Variants in TYW1B observed in about 807,000 individuals in gnomAD.
The protein encoded by TYW1B is S-adenosyl-L-methionine-dependent tRNA 4-demethylwyosine synthase TYW1B.
TYW1B carries 73 observed loss-of-function variants against 86.9 expected under a neutral mutation model. The observed-to-expected ratio is 0.84, with a 90% confidence interval of 0.70 to 1.02. The LOEUF (loss-of-function observed/expected upper bound fraction) is 1.02. TYW1B is among the 50% of genes least tolerant of loss of function. The pLI, the probability that TYW1B is intolerant of heterozygous loss-of-function variation, is 0.00. For synonymous variants in TYW1B, 248 were observed against 292.8 expected (o/e 0.85, Z 1.56); for missense variants, 637 against 827.4 (o/e 0.77, Z 2.82).
intron 7 of TYW1B, among the ~76,000 whole-genome samples, chr7:72,762,118 T>C (rs1220884950): frequency 1.3e-5 from 2 of 152,200 alleles, no homozygotes; most frequent in African/African-American, 2.4e-5. Flanking sequence ...TTTAATAAAA[T>C]TGCAAGAGGT....
intron 6 of TYW1B, among the ~76,000 whole-genome samples, chr7:72,794,126 G>A (rs1554474082): frequency 1.2e-4 from 18 of 152,182 alleles, no homozygotes. Context: ...ACTCAGGCGT[G>A]TTCCCCTGAC....
chr7:72,653,099 G>A (rs1813103453), intron 11 of TYW1B, among the ~76,000 whole-genome samples: 1 of 152,190 alleles, frequency 6.6e-6, no homozygotes, highest in South Asian at 2.1e-4. Flanking sequence ...TTCATTTTAG[G>A]AAAGTAGAAA....
intron 13 of TYW1B, among the ~76,000 whole-genome samples, chr7:72,612,172 T>G (rs1380673209): frequency 2.0e-5 from 3 of 152,096 alleles, no homozygotes; most frequent in Non-Finnish European, 4.4e-5. Context: ...AGTATCAATT[T>G]TGAATAAGGA....
Position 72,585,506 on chromosome 7 carries a change from G to A in TYW1B, c.1786-9787C>T, listed in dbSNP as rs182691402. On this transcript the variant is annotated intron_variant, in intron 13 of 13. Transcript: ENST00000620995. Reference sequence around the variant, plus strand: ...CTTTATTAAGAAACTGCTTGATACAGTTTGGCTGTGTCTCCACCCAAATCT... The same window carrying A: ...CTTTATTAAGAAACTGCTTGATACAATTTGGCTGTGTCTCCACCCAAATCT... Among the ~76,000 whole-genome samples, 569 of 152,288 alleles carry A rather than the reference G, an allele frequency of 3.7e-3. 4 individuals carry two copies. Among genetic ancestry groups the A allele is most frequent in the African/African-American group, 0.012 (504 of 41,570 alleles).
intron 7 of TYW1B, among the ~76,000 whole-genome samples, chr7:72,755,492 A>G (rs1033268876): frequency 6.6e-6 from 1 of 152,180 alleles, no homozygotes; most frequent in Non-Finnish European, 1.5e-5. Flanking sequence ...CCTGGGAGAC[A>G]TGGTGAAACC....
intron 11 of TYW1B, among the ~76,000 whole-genome samples, chr7:72,635,089 AT>A (rs1812635015): frequency 6.6e-6 from 1 of 151,960 alleles, no homozygotes; most frequent in South Asian, 2.1e-4. Context: ...AAGCTCTTAC[AT>A]TTTTTTCTAA....
intron 7 of TYW1B, among the ~76,000 whole-genome samples, chr7:72,758,564 C>G (rs1554466658): frequency 6.6e-6 from 1 of 152,016 alleles, no homozygotes. Context: ...ATTCTTGGCA[C>G]CACTGCAGTA....
chr7:72,715,697 T>C lies in TYW1B; in HGVS notation c.1193-1899A>G, dbSNP rs551856629. Among the ~76,000 whole-genome samples the C allele has an allele frequency of 3.4e-3, 509 of 151,650 alleles. 2 individuals carry two copies. Among genetic ancestry groups the C allele is most frequent in the African/African-American group, 0.012 (486 of 41,236 alleles). ...GTACAACAAACCCCCATGACACAAG[T>C]TTACCTATGTAACAAACCTGCACTT... On this transcript the variant is annotated intron_variant, in intron 9 of 13. Transcript: ENST00000620995.
intron 13 of TYW1B, among the ~76,000 whole-genome samples, chr7:72,611,568 C>A (rs532123614): frequency 2.6e-5 from 4 of 152,130 alleles, no homozygotes; most frequent in African/African-American, 9.7e-5. Flanking sequence ...GTGAGGCCTC[C>A]CCAGCCATGT....
chr7:72,605,539 A>T (rs1811773403), intron 13 of TYW1B, among the ~76,000 whole-genome samples: 1 of 151,980 alleles, frequency 6.6e-6, no homozygotes, highest in African/African-American at 2.4e-5. Context: ...TTTATAGTAG[A>T]GATGGGGTTT....
At chr7:72,709,578 G>A (rs1211064848) in intron 10 of TYW1B, among the ~76,000 whole-genome samples, 4 of 152,166 alleles carry the variant, frequency 2.6e-5, no homozygotes, top group Admixed American at 2.6e-4. Flanking sequence ...TGAGGCAGGA[G>A]AATCACTTGA....
chr7:72,734,788 T>C (rs1299451037), intron 8 of TYW1B, among the ~76,000 whole-genome samples: 1 of 152,074 alleles, frequency 6.6e-6, no homozygotes, highest in Non-Finnish European at 1.5e-5. Context: ...ATCTGATTTT[T>C]AAAAGGTCGA....
chr7:72,702,300 G>T (rs1554452718), intron 10 of TYW1B, among the ~76,000 whole-genome samples: 1 of 152,174 alleles, frequency 6.6e-6, no homozygotes, highest in African/African-American at 2.4e-5. Flanking sequence ...TCCCAGGAAT[G>T]AGACTTTGAA....
intron 12 of TYW1B, among the ~76,000 whole-genome samples, chr7:72,628,209 A>G (rs1812402050): frequency 6.6e-6 from 1 of 152,182 alleles, no homozygotes; most frequent in African/African-American, 2.4e-5. Context: ...CTGGAGCCCA[A>G]GAGTTGGAGG....
intron 7 of TYW1B, among the ~76,000 whole-genome samples, chr7:72,753,580 A>C (rs1434220979): frequency 1.3e-5 from 2 of 150,428 alleles, no homozygotes; most frequent in Non-Finnish European, 2.9e-5. Flanking sequence ...ACCCGGGTTC[A>C]AGTGATTCTC....
intron 9 of TYW1B, among the ~76,000 whole-genome samples, chr7:72,722,600 C>T (rs1786924710): frequency 6.6e-6 from 1 of 152,130 alleles, no homozygotes; most frequent in African/African-American, 2.4e-5. Flanking sequence ...TTTTATAACT[C>T]AGTGAAATAA....
intron 10 of TYW1B, among the ~76,000 whole-genome samples, chr7:72,709,546 T>C (rs1814697530): frequency 1.3e-5 from 2 of 152,110 alleles, no homozygotes; most frequent in Admixed American, 6.6e-5. Context: ...TGGGTGCCTG[T>C]AGTCCCAGCT....
At chr7:72,644,826 CT>C (rs371295909) in intron 11 of TYW1B, among the ~76,000 whole-genome samples, 2,543 of 119,580 alleles carry the variant, frequency 0.021, 40 homozygotes, top group African/African-American at 0.076. Flanking sequence ...CATGACTTTC[CT>C]TTTTTTTTTT....
intron 11 of TYW1B, among the ~76,000 whole-genome samples, chr7:72,647,977 C>A (rs1554442261): frequency 6.6e-6 from 1 of 152,098 alleles, no homozygotes; most frequent in East Asian, 1.9e-4. Flanking sequence ...TTAGCTACAA[C>A]ACCTGGCTGC....
Sources: allele counts gnomAD v4.1 joint callset (sites outside exome capture counted in the v4.1 genomes callset), GRCh38; gene constraint gnomAD v4.1.1; transcripts MANE v1.5; gene names NCBI Gene and HGNC (gene_info 2026-07-23, HGNC 2026-07-21).